The following NPSR1 variants were observed in gnomAD, a reference collection of about 807,000 sequenced individuals.
NPSR1 encodes neuropeptide S receptor.
In NPSR1, 48 loss-of-function variants were observed where a neutral mutation model predicts 46.9. The ratio of observed to expected loss-of-function variants is 1.02; its 90% CI spans 0.81 to 1.30. The LOEUF is 1.30. NPSR1 is among the 50% of genes most tolerant of loss of function. NPSR1 has a pLI of 0.00. For synonymous variants in NPSR1, 176 were observed against 168.1 expected (o/e 1.05, Z -0.36); for missense variants, 450 against 449.5 (o/e 1.00, Z -0.01).
At chr7:34,700,889 T>C (rs1386351545) in intron 2 of NPSR1, among the ~76,000 whole-genome samples, 1 of 152,230 alleles carries the variant, frequency 6.6e-6, no homozygotes, top group East Asian at 1.9e-4. Context: ...GTTCAATAAA[T>C]GCTAGCTGTG....
At chr7:34,697,370 C>T (rs1793583055) in intron 2 of NPSR1, among the ~76,000 whole-genome samples, 2 of 151,710 alleles carry the variant, frequency 1.3e-5, no homozygotes. Flanking sequence ...ATTATGAAAA[C>T]TGACATTACT....
At chr7:34,753,038 A>T (rs1313480929) in intron 2 of NPSR1, among the ~76,000 whole-genome samples, 1 of 152,234 alleles carries the variant, frequency 6.6e-6, no homozygotes, top group Non-Finnish European at 1.5e-5. Flanking sequence ...CCTTCCTTGC[A>T]TTCTCAGCAC....
intron 6 of NPSR1, among the ~76,000 whole-genome samples, chr7:34,839,516 A>G (rs1217427216): frequency 2.0e-5 from 3 of 152,198 alleles, no homozygotes; most frequent in Admixed American, 2.0e-4. Context: ...CTGCCCACAA[A>G]TCCAATGCTA....
intron 8 of NPSR1, 190 bp from the exon 9 acceptor site, chr7:34,849,375 C>G (rs1790859724): frequency 6.4e-7 from 1 of 1,552,420 alleles, no homozygotes; most frequent in Non-Finnish European, 8.7e-7. Context: ...CCTCTGGGCT[C>G]TGGTGCTGAC....
At chr7:34,804,124 G>A (rs1788570321) in intron 3 of NPSR1, among the ~76,000 whole-genome samples, 1 of 151,904 alleles carries the variant, frequency 6.6e-6, no homozygotes, top group Non-Finnish European at 1.5e-5. Context: ...CAGATGAAAA[G>A]GGAACCATTC....
intron 2 of NPSR1, 32 bp from the exon 3 acceptor site, chr7:34,778,430 C>A: frequency 1.6e-6 from 2 of 1,237,064 alleles, no homozygotes; most frequent in South Asian, 1.3e-5. Flanking sequence ...AAAAATAAAC[C>A]CTGAATGTAA....
intron 8 of NPSR1, chr7:34,849,202 G>A: frequency 1.5e-6 from 1 of 687,560 alleles, no homozygotes; most frequent in Admixed American, 2.2e-5. Flanking sequence ...AATGATTTAA[G>A]TCTTGGGCTT....
chr7:34,794,974 G>A (rs34659957), intron 3 of NPSR1, among the ~76,000 whole-genome samples: 10,023 of 152,066 alleles, frequency 0.066, 935 homozygotes, highest in African/African-American at 0.21. Context: ...AGGGGTTAGA[G>A]GCTACAGTGA....
At chr7:34,837,752 CT>C (rs768762064) in intron 6 of NPSR1, among the ~76,000 whole-genome samples, 1 of 152,208 alleles carries the variant, frequency 6.6e-6, no homozygotes, top group African/African-American at 2.4e-5. Flanking sequence ...AAAGACAAGA[CT>C]TTTTAAAAAT....
At chr7:34,813,755 A>T (rs1417710754) in intron 4 of NPSR1, among the ~76,000 whole-genome samples, 1 of 152,246 alleles carries the variant, frequency 6.6e-6, no homozygotes, top group Non-Finnish European at 1.5e-5. Context: ...TGGGAGTTAG[A>T]CCAGTGGTGT....
intron 6 of NPSR1, among the ~76,000 whole-genome samples, chr7:34,835,284 C>T (rs1433034435): frequency 1.3e-5 from 2 of 152,218 alleles, no homozygotes; most frequent in Non-Finnish European, 2.9e-5. Context: ...CAAATACACA[C>T]ACCTTCACAC....
chr7:34,708,811 A>T (rs1027906301), intron 2 of NPSR1, among the ~76,000 whole-genome samples: 5 of 152,198 alleles, frequency 3.3e-5, no homozygotes, highest in African/African-American at 1.2e-4. Context: ...TTGTACACAG[A>T]TCAAATAAAT....
intron 1 of NPSR1, among the ~76,000 whole-genome samples, chr7:34,667,728 T>A (rs1583767004): frequency 6.6e-6 from 1 of 152,020 alleles, no homozygotes; most frequent in Admixed American, 6.5e-5. Context: ...TCATGAAGAT[T>A]CCCTGCCCTC....
At chr7:34,683,450 A>C (rs1284784873) in intron 1 of NPSR1, among the ~76,000 whole-genome samples, 1 of 149,286 alleles carries the variant, frequency 6.7e-6, no homozygotes, top group Non-Finnish European at 1.5e-5. Flanking sequence ...CTGTCACAAA[A>C]AAAAAAAAAA....
chr7:34,868,126 G>C (rs747680779), intron 8 of NPSR1, among the ~76,000 whole-genome samples: 1 of 151,716 alleles, frequency 6.6e-6, no homozygotes, highest in Non-Finnish European at 1.5e-5. Flanking sequence ...TAAACCTCTG[G>C]TGAATTTTCT....
intron 1 of NPSR1, among the ~76,000 whole-genome samples, chr7:34,676,029 G>A (rs1053552243): frequency 1.3e-5 from 2 of 152,132 alleles, no homozygotes; most frequent in Admixed American, 6.5e-5. Context: ...GTGGTGGGGG[G>A]TGGGTAGGGA....
At chr7:34,779,466 G>A (rs1465814716) in intron 3 of NPSR1, 2 of 493,628 alleles carry the variant, frequency 4.1e-6, no homozygotes, top group East Asian at 8.0e-5. Flanking sequence ...CCATTTGTTA[G>A]TAGACTCTTT....
chr7:34,875,046 C>G (rs1562782287), intron 8 of NPSR1, among the ~76,000 whole-genome samples: 1 of 152,172 alleles, frequency 6.6e-6, no homozygotes, highest in African/African-American at 2.4e-5. Flanking sequence ...CACCACTGAC[C>G]AGTTACAATC....
intron 6 of NPSR1, among the ~76,000 whole-genome samples, chr7:34,838,589 A>G (rs930316809): frequency 1.3e-5 from 2 of 152,188 alleles, no homozygotes; most frequent in Non-Finnish European, 2.9e-5. Flanking sequence ...AGCCATGATT[A>G]GTGTGAACAG....
Sources: gnomAD v4.1 joint callset for allele counts (sites outside exome capture counted in the v4.1 genomes callset) on GRCh38, gnomAD v4.1.1 for gene constraint, MANE v1.5 for transcripts, NCBI Gene and HGNC (gene_info 2026-07-23, HGNC 2026-07-21) for gene names.